Variants in TCF3 observed in about 807,000 individuals in gnomAD.
The protein encoded by TCF3 is transcription factor 3.
A neutral mutation model predicts 72.3 loss-of-function variants in TCF3; 54 were observed. The ratio of observed to expected loss-of-function variants is 0.75; its 90% CI spans 0.60 to 0.94. TCF3 has a LOEUF of 0.94. Among genes scored for constraint, TCF3 ranks in the 40% least tolerant of loss-of-function variants. The pLI is 0.00. For missense variants in TCF3, 1,078 were observed against 934.4 expected (o/e 1.15, Z -2.00); for synonymous variants, 525 against 412.6 (o/e 1.27, Z -3.30).
chr19:1,641,700 A>AC (rs1295472140), intron 3 of TCF3, among the ~76,000 whole-genome samples: 3 of 151,974 alleles, frequency 2.0e-5, no homozygotes, highest in Non-Finnish European at 4.4e-5. Context: ...TGATCCACAC[A>AC]CCCTGGCTTC....
At chr19:1,612,560 G>A (rs896271124) in intron 18 of TCF3, 8 of 885,458 alleles carry the variant, frequency 9.0e-6, no homozygotes, top group African/African-American at 6.6e-5. Flanking sequence ...GTGGGTACAC[G>A]GCTGGTGTTG....
At chr19:1,634,970 T>C (rs1002195121) in intron 3 of TCF3, among the ~76,000 whole-genome samples, 5 of 152,222 alleles carry the variant, frequency 3.3e-5, no homozygotes, top group African/African-American at 1.2e-4. Flanking sequence ...CTGGCTGACC[T>C]TGATACAGAA....
intron 3 of TCF3, among the ~76,000 whole-genome samples, chr19:1,633,861 G>C (rs2064039252): frequency 6.6e-6 from 1 of 152,168 alleles, no homozygotes; most frequent in Non-Finnish European, 1.5e-5. Flanking sequence ...GGCTGTGTAG[G>C]GGTGGGCACA....
chr19:1,647,264 G>GA (rs1181156435), intron 2 of TCF3, among the ~76,000 whole-genome samples: 5 of 152,110 alleles, frequency 3.3e-5, no homozygotes, highest in East Asian at 1.9e-4. Context: ...TTTTGCCACA[G>GA]AAAAAAACAC....
intron 2 of TCF3, 43 bp downstream of exon 2, chr19:1,650,134 G>C (rs541866909): frequency 6.6e-7 from 1 of 1,520,528 alleles, no homozygotes; most frequent in Non-Finnish European, 8.9e-7. Flanking sequence ...GTGAACTGTG[G>C]AGGCAAAGGG....
Position 1,619,217 on chromosome 19 carries a change from G to A in TCF3, c.1344C>T (p.Pro448=), listed in dbSNP as rs541696772. The change falls in exon 16 of 19, where the codon CCC becomes CCT. Residue 448 remains proline, a synonymous_variant. Transcript: ENST00000262965. Reference sequence around the variant, plus strand: ...TGGTGCTGCCTGCGAGGCCGTCCTCGGGGTGGCTGCCTCCAACCTGCAGGC... The same window carrying A: ...TGGTGCTGCCTGCGAGGCCGTCCTCAGGGTGGCTGCCTCCAACCTGCAGGC... The part of the protein sequence containing the change: ...RHAGLVGGSH[P]EDGLAGSTSL... The A allele has an allele frequency of 7.5e-5, 119 of 1,596,684 alleles. 1 individual carries two copies. The highest frequency in any genetic ancestry group is 1.8e-4 in the Middle Eastern group (1 of 5,646).
Position 1,611,690 on chromosome 19 carries a change from C to T in TCF3, c.*17G>A, listed in dbSNP as rs2060998006. 6.2e-7 allele frequency: 1 copy of T among 1,606,446 alleles called. No homozygotes were observed. The highest frequency in any genetic ancestry group is 1.3e-5 in the African/African-American group (1 of 74,718). On this transcript the variant is annotated 3_prime_UTR_variant, in exon 19 of 19. Coordinates refer to ENST00000262965, the MANE Select transcript of TCF3 (RefSeq NM_003200.5). ...CAGGGCTGAAAGCGGGTGGCTCGTC[C>T]CACGGAGGCATACCTTTCACATGTG...
Position 1,609,650 on chromosome 19 carries a change from G to A in TCF3, c.*2057C>T. On this transcript the variant is annotated 3_prime_UTR_variant, in exon 19 of 19. Coordinates refer to ENST00000262965, the MANE Select transcript of TCF3 (RefSeq NM_003200.5). ...AAGAGGGAGAGGCAAGTTCCCTTAA[G>A]AGATCAAACTCCCAGGGCGTAGGGG... The A allele has an allele frequency of 4.4e-6, 1 of 224,994 alleles. No individual in the cohort carries two copies. Among genetic ancestry groups the A allele is most frequent in the Non-Finnish European group, 8.8e-6 (1 of 113,156 alleles). 13.9% of individuals were successfully genotyped at this position (224,994 alleles called of 1,614,324 possible).
intron 3 of TCF3, 106 bp downstream of exon 3, chr19:1,646,249 A>T: frequency 8.1e-7 from 1 of 1,241,014 alleles, no homozygotes; most frequent in Non-Finnish European, 1.1e-6. Context: ...CCCTTTCCCC[A>T]TTGTCTCCCT....
At chr19:1,620,737 C>T (rs2062090548) in intron 13 of TCF3, among the ~76,000 whole-genome samples, 1 of 152,168 alleles carries the variant, frequency 6.6e-6, no homozygotes, top group Admixed American at 6.5e-5. Flanking sequence ...CCTGGATTGC[C>T]CAGTGGAACA....
intron 14 of TCF3, 140 bp downstream of exon 14, chr19:1,619,640 T>C (rs998300694): frequency 7.9e-6 from 10 of 1,271,032 alleles, no homozygotes; most frequent in African/African-American, 3.0e-5. Context: ...AAAATGTGTG[T>C]GCCTTGGCGG....
chr19:1,623,777 C>A (rs1238120919), intron 8 of TCF3, among the ~76,000 whole-genome samples, 174 bp downstream of exon 8: 2 of 152,180 alleles, frequency 1.3e-5, no homozygotes, highest in Non-Finnish European at 1.5e-5. Context: ...AGGACTTCCC[C>A]GCCTTCCCTT....
intron 7 of TCF3, among the ~76,000 whole-genome samples, chr19:1,624,456 A>T (rs1282505370): frequency 6.6e-6 from 1 of 152,208 alleles, no homozygotes; most frequent in Non-Finnish European, 1.5e-5. Context: ...ATACGGCTCC[A>T]AAGATGTCGA....
intron 3 of TCF3, among the ~76,000 whole-genome samples, chr19:1,639,656 C>T (rs1250258677): frequency 6.8e-6 from 1 of 147,430 alleles, no homozygotes; most frequent in African/African-American, 2.5e-5. Context: ...TAAGCCAAAG[C>T]TGAGTTTTGG....
At chr19:1,612,739 G>A (rs985523928) in intron 18 of TCF3, among the ~76,000 whole-genome samples, 16 of 148,416 alleles carry the variant, frequency 1.1e-4, no homozygotes, top group Admixed American at 2.7e-4. Flanking sequence ...GCAGCAGTGC[G>A]GGTACACGGC....
intron 18 of TCF3, among the ~76,000 whole-genome samples, 188 bp from the exon 19 acceptor site, chr19:1,612,037 AAG>A (rs1307042933): frequency 2.0e-5 from 3 of 151,638 alleles, no homozygotes; most frequent in African/African-American, 4.8e-5. Flanking sequence ...GCTTGTAAAG[AAG>A]AGAGTGGGTA....
chr19:1,610,678 C>G lies in TCF3; in HGVS notation c.*1029G>C, dbSNP rs1014435667. The G allele has an allele frequency of 1.3e-5, 3 of 230,668 alleles. No individual in the cohort carries two copies. The East Asian group carries it at 1.8e-4, about 14-fold the overall frequency. 14.3% of individuals were successfully genotyped at this position (230,668 alleles called of 1,614,324 possible). A position where few individuals can be genotyped will look rare whatever the true frequency, so the allele number is the denominator to read the frequency against. Reference sequence around the variant, plus strand: ...GGGGAGGGCGTTGTGTAGGGTAGCCCTGGGGGCCACAGCTGCTTGGCAGAG... The same window carrying G: ...GGGGAGGGCGTTGTGTAGGGTAGCCGTGGGGGCCACAGCTGCTTGGCAGAG... On this transcript the variant is annotated 3_prime_UTR_variant, in exon 19 of 19. Coordinates refer to ENST00000262965, the MANE Select transcript of TCF3 (RefSeq NM_003200.5).
chr19:1,611,357 C>CA lies in TCF3; in HGVS notation c.*349dup, dbSNP rs750177008. On this transcript the variant is annotated 3_prime_UTR_variant, in exon 19 of 19. Coordinates refer to ENST00000262965, the MANE Select transcript of TCF3 (RefSeq NM_003200.5). Reference sequence around the variant, plus strand: ...AAGTGTATGTTTTGTTGCTTGCTTTCAGGTTTTGTTTACTGGAAAAAAAAA... The same window carrying CA: ...AAGTGTATGTTTTGTTGCTTGCTTTCAAGGTTTTGTTTACTGGAAAAAAAAA... 4.3e-5 allele frequency: 17 copies of CA among 398,652 alleles called. No individual in the cohort carries two copies. Among genetic ancestry groups the CA allele is most frequent in the Non-Finnish European group, 5.7e-5 (13 of 226,786 alleles). 24.7% of individuals were successfully genotyped at this position (398,652 alleles called of 1,614,324 possible).
chr19:1,620,912 C>T (rs2146072168), intron 13 of TCF3, 56 bp downstream of exon 13: 1 of 1,390,864 alleles, frequency 7.2e-7, no homozygotes, highest in Non-Finnish European at 9.4e-7. Flanking sequence ...TCAGCCTCCC[C>T]TCCCCCCAAA....
Sources: gnomAD v4.1 joint callset for allele counts (sites outside exome capture counted in the v4.1 genomes callset) on GRCh38, gnomAD v4.1.1 for gene constraint, MANE v1.5 for transcripts, NCBI Gene and HGNC (gene_info 2026-07-23, HGNC 2026-07-21) for gene names.